The following RAB8B variants were observed in gnomAD, a reference collection of about 807,000 sequenced individuals.
The protein encoded by RAB8B is RAB8B, member RAS oncogene family.
A neutral mutation model predicts 32.0 loss-of-function variants in RAB8B; 11 were observed. The ratio of observed to expected loss-of-function variants is 0.34; its 90% CI spans 0.22 to 0.57. The LOEUF (loss-of-function observed/expected upper bound fraction) is 0.57. Ranked by LOEUF, RAB8B falls within the 20% of genes least tolerant of loss-of-function variation. The pLI, the probability that RAB8B is intolerant of heterozygous loss-of-function variation, is 0.86. For missense variants in RAB8B, 190 were observed against 258.5 expected, an observed-to-expected ratio of 0.73 and a Z score of 1.82; for synonymous variants, 103 against 89.6, an observed-to-expected ratio of 1.15 and a Z score of -0.85.
intron 1 of RAB8B, among the ~76,000 whole-genome samples, chr15:63,242,498 G>A (rs948360898): frequency 3.3e-5 from 5 of 152,052 alleles, no homozygotes; most frequent in Non-Finnish European, 4.4e-5. Flanking sequence ...CCAACATGGT[G>A]AAACCCCGTC....
intron 6 of RAB8B, among the ~76,000 whole-genome samples, chr15:63,261,140 A>T (rs114964369): frequency 0.015 from 2,233 of 152,282 alleles, 49 homozygotes; most frequent in African/African-American, 0.051. Flanking sequence ...TCAAAAGAAG[A>T]CAAATAAATG....
intron 1 of RAB8B, among the ~76,000 whole-genome samples, chr15:63,221,690 C>G (rs1351111788): frequency 6.6e-6 from 1 of 152,198 alleles, no homozygotes; most frequent in African/African-American, 2.4e-5. Context: ...CCTGAATGGA[C>G]TTCTCCTTCA....
Position 63,263,569 on chromosome 15 carries a change from A to G in RAB8B, c.574A>G (p.Thr192Ala). The G allele has an allele frequency of 6.2e-7, 1 of 1,613,212 alleles. No homozygotes were observed. The highest frequency in any genetic ancestry group is 8.5e-7 in the Non-Finnish European group (1 of 1,179,114). ...AGGAGCAGGTGGACCAGTGAAAATA[A>G]CAGAAAACCGATCAAAGAAGACCAG... The part of the protein sequence containing the change: ...SAGAGGPVKI[T>A]ENRSKKTSFF... The change falls in exon 8 of 8, where the codon ACA becomes GCA. Residue 192 changes from threonine to alanine, a missense_variant. Coordinates refer to ENST00000321437, the MANE Select transcript of RAB8B (RefSeq NM_016530.3).
chr15:63,217,267 ATAAT>A (rs2037800733), intron 1 of RAB8B, among the ~76,000 whole-genome samples: 1 of 152,238 alleles, frequency 6.6e-6, no homozygotes, highest in Admixed American at 6.5e-5. Flanking sequence ...ATTGTTCTAT[ATAAT>A]TACTTTCTTT....
At position 63,263,927 on chromosome 15, in the gene RAB8B, CT is replaced by C; in HGVS notation, c.*311del. 8.0e-6 allele frequency: 2 copies of C among 250,286 alleles called. No homozygotes were observed. The highest frequency in any genetic ancestry group is 7.8e-6 in the Non-Finnish European group (1 of 128,492). 15.5% of individuals were successfully genotyped at this position (250,286 alleles called of 1,614,324 possible). A position where few individuals can be genotyped will look rare whatever the true frequency, so the allele number is the denominator to read the frequency against. The stretch of plus-strand genomic sequence containing the variant: ...TTTTACTTTGCACATCAGTGTTAGC[CT>C]TTCCCTATTTCAGCACAATCTTAGA... On this transcript the variant is annotated 3_prime_UTR_variant, in exon 8 of 8. Coordinates refer to ENST00000321437, the MANE Select transcript of RAB8B (RefSeq NM_016530.3).
intron 1 of RAB8B, among the ~76,000 whole-genome samples, chr15:63,192,015 G>A (rs1172764519): frequency 6.6e-6 from 1 of 152,214 alleles, no homozygotes; most frequent in Admixed American, 6.5e-5. Flanking sequence ...AGAATAGGAA[G>A]TGAACATGAA....
At chr15:63,244,735 C>A in intron 1 of RAB8B, 21 bp from the exon 2 acceptor site, 1 of 1,522,738 alleles carries the variant, frequency 6.6e-7, no homozygotes, top group Non-Finnish European at 9.1e-7. Flanking sequence ...CTTAACATAT[C>A]TTTCTTTGTT....
intron 6 of RAB8B, among the ~76,000 whole-genome samples, chr15:63,261,216 A>G (rs2038201328): frequency 6.6e-6 from 1 of 152,222 alleles, no homozygotes; most frequent in Non-Finnish European, 1.5e-5. Flanking sequence ...TCAAAAGTAC[A>G]GTGAGCTATC....
intron 2 of RAB8B, among the ~76,000 whole-genome samples, chr15:63,247,764 TC>T (rs1243658525): frequency 6.6e-6 from 1 of 152,146 alleles, no homozygotes; most frequent in Non-Finnish European, 1.5e-5. Flanking sequence ...AAGAAGAATA[TC>T]CCCCAGCTCT....
At chr15:63,206,170 A>G (rs1330743464) in intron 1 of RAB8B, among the ~76,000 whole-genome samples, 1 of 152,180 alleles carries the variant, frequency 6.6e-6, no homozygotes, top group African/African-American at 2.4e-5. Context: ...ATTATTGCCT[A>G]TGGTCTTTTT....
intron 1 of RAB8B, among the ~76,000 whole-genome samples, chr15:63,200,449 A>G (rs1166344869): frequency 6.6e-6 from 1 of 152,216 alleles, no homozygotes; most frequent in African/African-American, 2.4e-5. Context: ...TTTCTTTGAG[A>G]AGAAATGTAT....
chr15:63,199,779 C>T (rs2037632661), intron 1 of RAB8B, among the ~76,000 whole-genome samples: 1 of 151,964 alleles, frequency 6.6e-6, no homozygotes, highest in Non-Finnish European at 1.5e-5. Context: ...AACTTGGCTT[C>T]ACCTGTTGCC....
intron 7 of RAB8B, 33 bp downstream of exon 7, chr15:63,262,775 T>G (rs764348680): frequency 8.5e-7 from 1 of 1,180,706 alleles, no homozygotes; most frequent in Non-Finnish European, 1.2e-6. Context: ...ATTTCCATTA[T>G]GCTGTCTGTT....
At chr15:63,218,072 A>T (rs2141119879) in intron 1 of RAB8B, among the ~76,000 whole-genome samples, 1 of 151,988 alleles carries the variant, frequency 6.6e-6, no homozygotes, top group Middle Eastern at 3.4e-3. Flanking sequence ...CTATTGCTCC[A>T]TGTATGTTGT....
At chr15:63,252,201 A>G (rs2038122138) in intron 3 of RAB8B, among the ~76,000 whole-genome samples, 1 of 152,024 alleles carries the variant, frequency 6.6e-6, no homozygotes, top group South Asian at 2.1e-4. Flanking sequence ...GCTTAAAAAC[A>G]TAAGAAATAG....
chr15:63,252,962 G>A (rs1310277488), intron 3 of RAB8B, among the ~76,000 whole-genome samples: 2 of 152,206 alleles, frequency 1.3e-5, no homozygotes, highest in South Asian at 2.1e-4. Flanking sequence ...TGGCCGGGCT[G>A]GTCTCAAACT....
At chr15:63,207,340 C>T (rs1453140339) in intron 1 of RAB8B, among the ~76,000 whole-genome samples, 2 of 152,130 alleles carry the variant, frequency 1.3e-5, no homozygotes, top group Non-Finnish European at 2.9e-5. Context: ...GCTAAGCTTG[C>T]CCCCTTCCAT....
chr15:63,243,862 A>G (rs1482396604), intron 1 of RAB8B, among the ~76,000 whole-genome samples: 1 of 152,230 alleles, frequency 6.6e-6, no homozygotes, highest in Non-Finnish European at 1.5e-5. Flanking sequence ...GTATGGCATC[A>G]GCATCTGGTG....
intron 1 of RAB8B, among the ~76,000 whole-genome samples, chr15:63,228,135 G>A (rs2037904956): frequency 6.6e-6 from 1 of 152,070 alleles, no homozygotes; most frequent in Admixed American, 6.6e-5. Context: ...TCCCACCTTA[G>A]CCTCCTAAGT....
Sources: gnomAD v4.1 joint callset for allele counts (sites outside exome capture counted in the v4.1 genomes callset) on GRCh38, gnomAD v4.1.1 for gene constraint, MANE v1.5 for transcripts, NCBI Gene and HGNC (gene_info 2026-07-23, HGNC 2026-07-21) for gene names.